WNK4: variants seen among roughly 807,000 people sequenced by gnomAD.
WNK4 encodes the protein WNK lysine deficient protein kinase 4.
In WNK4, 94 loss-of-function variants were observed where a neutral mutation model predicts 116.2. The ratio of observed to expected loss-of-function variants is 0.81; its 90% CI spans 0.68 to 0.96. The LOEUF is 0.96. Among genes scored for constraint, WNK4 ranks in the 40% least tolerant of loss-of-function variants. The pLI is 0.00. For synonymous variants in WNK4, 655 were observed against 672.7 expected (o/e 0.97, Z 0.41); for missense variants, 1,542 against 1,650.6 (o/e 0.93, Z 1.14).
chr17:42,794,941 C>T lies in WNK4; in HGVS notation c.2520C>T (p.Pro840=). ...CTTCTCCCCCATGTCATCCCAGCCC[C>T]TCCCCATTCTCCCCCATTTCTTCCC... ...PITSPPCHPS[P]SPFSPISSQV... The change falls in exon 14 of 19, where the codon CCC becomes CCT. Residue 840 remains proline, a synonymous_variant. Transcript: ENST00000246914. 1.2e-5 allele frequency: 19 copies of T among 1,612,566 alleles called. No individual in the cohort carries two copies. The highest frequency in any genetic ancestry group is 1.5e-5 in the Non-Finnish European group (18 of 1,179,428).
Position 42,784,657 on chromosome 17 carries a change from A to AT in WNK4, c.1170+79dup. 1 of 1,580,536 alleles carries AT rather than the reference A, an allele frequency of 6.3e-7. No homozygotes were observed. Among genetic ancestry groups the AT allele is most frequent in the Non-Finnish European group, 8.6e-7 (1 of 1,161,408 alleles). The stretch of plus-strand genomic sequence containing the variant: ...TCCTGCGCCGGCCAGCCCGCAGTCA[A>AT]TGCCCTTTGCCTGCACGAAAACAGG... On this transcript the variant is annotated intron_variant, in intron 4 of 18. Transcript: ENST00000246914. The surrounding 1 kb of genome is among the most constrained non-coding windows in gnomAD (Gnocchi z 4.4).
intron 11 of WNK4, among the ~76,000 whole-genome samples, chr17:42,793,137 A>G (rs1201493037): frequency 6.6e-6 from 1 of 152,138 alleles, no homozygotes; most frequent in African/African-American, 2.4e-5. Context: ...TTCTCCTTAC[A>G]CCACACAGTG....
chr17:42,793,473 G>T, intron 11 of WNK4, 119 bp from the exon 12 acceptor site: 1 of 1,411,698 alleles, frequency 7.1e-7, no homozygotes, highest in Non-Finnish European at 9.8e-7. Flanking sequence ...GCCTCCCAAA[G>T]TGCTAGGATT....
In WNK4 at chr17:42,797,022, T is replaced by A; in HGVS notation, c.*334T>A. ...AGCTGGGAGAGTGTAGGGGATATGC[T>A]CACACCACATTAGCAGCAACCAATA... On this transcript the variant is annotated 3_prime_UTR_variant, in exon 19 of 19. Coordinates refer to ENST00000246914, the MANE Select transcript of WNK4 (RefSeq NM_032387.5). The A allele has an allele frequency of 4.4e-6, 2 of 453,710 alleles. No individual in the cohort carries two copies. The highest frequency in any genetic ancestry group is 8.0e-6 in the Non-Finnish European group (2 of 249,168). 28.1% of individuals were successfully genotyped at this position (453,710 alleles called of 1,614,324 possible).
chr17:42,787,658 G>A, intron 7 of WNK4, 116 bp downstream of exon 7: 1 of 1,593,562 alleles, frequency 6.3e-7, no homozygotes, highest in Admixed American at 1.7e-5. Flanking sequence ...TAGCCATGAA[G>A]CTCCCTCCAG....
In WNK4 at chr17:42,796,257, T is replaced by C. The variant is rs1164844822; in HGVS notation, c.3566T>C (p.Leu1189Pro). The C allele has an allele frequency of 1.2e-6, 2 of 1,611,512 alleles. No individual in the cohort carries two copies. Among genetic ancestry groups the C allele is most frequent in the Admixed American group, 3.4e-5 (2 of 59,658 alleles). The change falls in exon 17 of 19, where the codon CTC (leucine) becomes CCC (proline). Residue 1189 changes from leucine (L) to proline (P), a missense_variant. Around this residue, in one of 7 missense-constraint regions of WNK4, gnomAD observed 148 missense variants for 157.2 expected, o/e 0.94. Transcript: ENST00000246914. ...AAMLSSRQRRLSKGSFPTSRR... is the reference protein window; with the variant it reads ...AAMLSSRQRRPSKGSFPTSRR... The stretch of plus-strand genomic sequence containing the variant: ...ATGCTGTCCAGCCGCCAGCGCCGCC[T>C]CTCCAAGGGCAGCTTCCCCACCTCC...
Position 42,796,283 on chromosome 17 carries a change from C to G in WNK4, c.3592C>G (p.Arg1198Gly). The change falls in exon 17 of 19, where the codon CGC (arginine) becomes GGC (glycine). Residue 1198 changes from arginine (R) to glycine (G), a missense_variant. By Grantham distance (125) the Arg-to-Gly change is moderately radical. Coordinates refer to ENST00000246914, the MANE Select transcript of WNK4 (RefSeq NM_032387.5). ...RLSKGSFPTS[R>G]RNSLQRSEPP... is the part of the protein sequence containing the mutation. ...CTCCAAGGGCAGCTTCCCCACCTCC[C>G]GCCGCAACAGCCTACAGCGCTCTGA... is the stretch of plus-strand genomic sequence containing the variant. 2 of 1,610,960 alleles carry G rather than the reference C, an allele frequency of 1.2e-6. No individual in the cohort carries two copies. The highest frequency in any genetic ancestry group is 1.7e-6 in the Non-Finnish European group (2 of 1,178,816).
chr17:42,790,541 A>G (rs1226347360), intron 11 of WNK4, among the ~76,000 whole-genome samples: 1 of 151,908 alleles, frequency 6.6e-6, no homozygotes, highest in Non-Finnish European at 1.5e-5. Flanking sequence ...GAGTGAAGGG[A>G]GATGAGCCGG....
chr17:42,781,229 C>T lies in WNK4; in HGVS notation c.531C>T (p.Asp177=), dbSNP rs2054480014. 6.2e-7 allele frequency: 1 copy of T among 1,614,066 alleles called. No homozygotes were observed. ...CCGATGGCCGATACCTCAAGTTTGA[C>T]ATCGAGATTGGACGTGGCTCCTTCA... The part of the protein sequence containing the change: ...TSPDGRYLKF[D]IEIGRGSFKT... Residue 177 remains aspartate, a synonymous_variant, in exon 1 of 19, where the codon GAC becomes GAT. Transcript: ENST00000246914.
chr17:42,796,591 C>T lies in WNK4; in HGVS notation c.3729+13C>T. The T allele has an allele frequency of 6.2e-7, 1 of 1,614,148 alleles. No individual in the cohort carries two copies. The highest frequency in any genetic ancestry group is 8.5e-7 in the Non-Finnish European group (1 of 1,180,010). On this transcript the variant is annotated intron_variant, in intron 18 of 18. Coordinates refer to ENST00000246914, the MANE Select transcript of WNK4 (RefSeq NM_032387.5). Reference sequence around the variant, plus strand: ...TGTTGGCAGGATGGTGAGGGCGGGCCCAAGGGAGGGAGAGCCCAGGGAATG... The same window carrying T: ...TGTTGGCAGGATGGTGAGGGCGGGCTCAAGGGAGGGAGAGCCCAGGGAATG...
Position 42,795,822 on chromosome 17 carries a change from G to T in WNK4, c.3220G>T (p.Asp1074Tyr). ...GACCAGGGAAGCTCTGGCTGAGAGC[G>T]ACCGTGCAGCTGAGGGTCTGGGGGC... ...PETREALAES[D>Y]RAAEGLGAGV... Residue 1074 changes from aspartate (D) to tyrosine (Y), a missense_variant, in exon 16 of 19, where the codon GAC becomes TAC. Physicochemically the swap from Asp to Tyr is radical, Grantham distance 160. Around this residue, in one of 7 missense-constraint regions of WNK4, gnomAD observed 292 missense variants for 290.1 expected, o/e 1.01. Coordinates refer to ENST00000246914, the MANE Select transcript of WNK4 (RefSeq NM_032387.5). The T allele has an allele frequency of 6.2e-7, 1 of 1,613,834 alleles. No homozygotes were observed. Among genetic ancestry groups the T allele is most frequent in the Non-Finnish European group, 8.5e-7 (1 of 1,180,022 alleles).
In WNK4 at chr17:42,782,914, T is replaced by A. The variant is rs1378208761; in HGVS notation, c.775T>A (p.Ser259Thr). Residue 259 changes from serine to threonine, a missense_variant, in exon 2 of 19, where the codon TCG becomes ACG. Physicochemically the swap from Ser to Thr is moderately conservative, Grantham distance 58 (BLOSUM62 1). Transcript: ENST00000246914. The surrounding 1 kb of genome is among the most constrained non-coding windows in gnomAD (Gnocchi z 4.2). ...CIVLVTELMT[S>T]GTLKTYLRRF... ...CGTGCTGGTCACCGAACTCATGACC[T>A]CGGGCACGCTCAAGACGTGAGCTCT... 1.2e-6 allele frequency: 2 copies of A among 1,614,090 alleles called. No homozygotes were observed. Among genetic ancestry groups the A allele is most frequent in the East Asian group, 4.5e-5 (2 of 44,876 alleles).
At position 42,784,228 on chromosome 17, in the gene WNK4, C is replaced by G; in HGVS notation, c.1012+71C>G. ...TCAGAAGAGAACCTGGGGACTCCCT[C>G]CCCTCAGCAAGGGCCTTCAAGGTCC... is the stretch of plus-strand genomic sequence containing the variant. On this transcript the variant is annotated intron_variant, in intron 3 of 18. Transcript: ENST00000246914. The surrounding 1 kb of genome is among the most constrained non-coding windows in gnomAD (Gnocchi z 4.4). The G allele has an allele frequency of 1.9e-6, 3 of 1,589,706 alleles. No homozygotes were observed. The highest frequency in any genetic ancestry group is 2.6e-6 in the Non-Finnish European group (3 of 1,167,068).
rs57705018 is a variant in WNK4 at position 42,793,511 on chromosome 17, G to C, written c.2158-81G>C. On this transcript the variant is annotated intron_variant, in intron 11 of 18. Coordinates refer to ENST00000246914, the MANE Select transcript of WNK4 (RefSeq NM_032387.5). ...AGGCGTGAGCCACCGCGCCCAGCCT[G>C]ATGTTTTAAGATCAGAAGCAGGGGG... 0.021 allele frequency: 33,632 copies of C among 1,590,168 alleles called. 2,867 individuals are homozygous for C. In the African/African-American group the frequency reaches 0.24, roughly 11 times the overall value.
At position 42,793,855 on chromosome 17, in the gene WNK4, G is replaced by A. The variant is rs115916034; in HGVS notation, c.2295+126G>A. The stretch of plus-strand genomic sequence containing the variant: ...ATCTCTGGGACCCTAAAACAGTGGC[G>A]CTTTTTTTTTTTTTTGAGATGGAGT... On this transcript the variant is annotated intron_variant, in intron 12 of 18. Coordinates refer to ENST00000246914, the MANE Select transcript of WNK4 (RefSeq NM_032387.5). 3.8e-3 allele frequency: 4,503 copies of A among 1,186,866 alleles called. 132 individuals carry two copies. In the African/African-American group the frequency reaches 0.062, roughly 16 times the overall value. 73.5% of individuals were successfully genotyped at this position (1,186,866 alleles called of 1,614,324 possible). A position where few individuals can be genotyped will look rare whatever the true frequency, so the allele number is the denominator to read the frequency against.
intron 1 of WNK4, among the ~76,000 whole-genome samples, chr17:42,781,878 C>G (rs1054155493): frequency 6.6e-6 from 1 of 152,166 alleles, no homozygotes; most frequent in Non-Finnish European, 1.5e-5. Context: ...TCCACAGCTG[C>G]GAGGAGGGGG....
intron 9 of WNK4, 30 bp downstream of exon 9, chr17:42,788,218 G>A (rs1181820629): frequency 5.6e-6 from 9 of 1,613,886 alleles, no homozygotes; most frequent in African/African-American, 2.7e-5. Context: ...GGGGTGCCAG[G>A]GTGAGACACC....
chr17:42,793,954 G>A (rs1050858321), intron 12 of WNK4: 10 of 508,016 alleles, frequency 2.0e-5, no homozygotes, highest in African/African-American at 4.0e-5. Context: ...CCGGGTTCAC[G>A]CCATTCTCCT....
rs760498146 is a variant in WNK4, at chr17:42,795,275, TCTC to T, written c.2859_2861del (p.Pro954del). The stretch of plus-strand genomic sequence containing the variant: ...CCCCTCACCTGGGCTCCTTTCCCAG[TCTC>T]CTCCAGCCCCTCCTAGTCCCCTCCC... On this transcript the variant is annotated inframe_deletion, in exon 14 of 19. Coordinates refer to ENST00000246914, the MANE Select transcript of WNK4 (RefSeq NM_032387.5). The T allele has an allele frequency of 1.3e-5, 21 of 1,613,328 alleles. No individual in the cohort carries two copies. Among genetic ancestry groups the T allele is most frequent in the African/African-American group, 2.7e-5 (2 of 74,736 alleles).
Sources: gnomAD v4.1 joint callset for allele counts (sites outside exome capture counted in the v4.1 genomes callset) on GRCh38, gnomAD v4.1.1 for gene constraint, gnomAD v4.1.1 regional missense constraint, Gnocchi (gnomAD v3.1) non-coding constraint, MANE v1.5 for transcripts, NCBI Gene and HGNC (gene_info 2026-07-23, HGNC 2026-07-21) for gene names.